The following UNC79 variants were observed in gnomAD, a reference collection of about 807,000 sequenced individuals.
The protein encoded by UNC79 is protein unc-79 homolog.
In UNC79, 37 loss-of-function variants were observed where a neutral mutation model predicts 283.1. The observed-to-expected ratio is 0.13, with a 90% CI of 0.10 to 0.17. UNC79 has a LOEUF of 0.17. Ranked by LOEUF, UNC79 falls within the 10% of genes least tolerant of loss-of-function variation. UNC79 has a pLI of 1.00. For synonymous variants in UNC79, 1,107 were observed against 1,200.2 expected (o/e 0.92, Z 1.61); for missense variants, 2,272 against 3,211.1 (o/e 0.71, Z 7.07).
At chr14:93,525,992 A>T (rs2060528021) in intron 8 of UNC79, among the ~76,000 whole-genome samples, 1 of 152,170 alleles carries the variant, frequency 6.6e-6, no homozygotes, top group Admixed American at 6.6e-5. Context: ...GTCATTTTAT[A>T]AAAATAGAGG....
chr14:93,345,099 C>A (rs910891412), intron 1 of UNC79, among the ~76,000 whole-genome samples: 1 of 152,116 alleles, frequency 6.6e-6, no homozygotes, highest in East Asian at 1.9e-4. Flanking sequence ...AGGATTAGTA[C>A]CCTTATAAAA....
chr14:93,443,839 A>G (rs2056386111), intron 1 of UNC79, among the ~76,000 whole-genome samples: 1 of 152,068 alleles, frequency 6.6e-6, no homozygotes, highest in Non-Finnish European at 1.5e-5. Context: ...TGTATATTAC[A>G]ATTTGTTTAT....
At chr14:93,706,859 G>A in exon 49 of UNC79, 1 of 1,614,200 alleles carries the variant, frequency 6.2e-7, no homozygotes, top group Non-Finnish European at 8.5e-7. Flanking sequence ...TGGCCCAGGT[G>A]GAGATCCAGT....
At chr14:93,391,646 C>A (rs1324823107) in intron 1 of UNC79, among the ~76,000 whole-genome samples, 1 of 152,054 alleles carries the variant, frequency 6.6e-6, no homozygotes, top group Non-Finnish European at 1.5e-5. Flanking sequence ...CCAGGCTGGT[C>A]TTCAACTTCT....
Position 93,493,901 on chromosome 14 carries a change from A to ATTTTT in UNC79, c.713-2495_713-2491dup, listed in dbSNP as rs71129642. Among the ~76,000 whole-genome samples, 35 of 49,252 alleles carry ATTTTT rather than the reference A, an allele frequency of 7.1e-4. 1 individual carries two copies. The highest frequency in any genetic ancestry group is 2.3e-3 in the Admixed American group (6 of 2,556). The allele number at this position is 49,252 out of a possible 152,430, so 32.3% of individuals were successfully genotyped here. On this transcript the variant is annotated intron_variant, in intron 5 of 48. Coordinates refer to ENST00000555664, the Ensembl canonical transcript of UNC79. ...TATATATATATATATATATATATATATTTTTTTTTTTTTTTTTTTGAGATA... is the reference window on the plus strand; with the variant it reads ...TATATATATATATATATATATATATATTTTTTTTTTTTTTTTTTTTTTTTGAGATA...
chr14:93,339,273 A>G (rs2053647959), intron 1 of UNC79, among the ~76,000 whole-genome samples: 2 of 152,036 alleles, frequency 1.3e-5, no homozygotes, highest in Admixed American at 1.3e-4. Context: ...GCAGGACTTG[A>G]TCAGCTCTAG....
At chr14:93,334,210 T>G (rs2053524747) in intron 1 of UNC79, among the ~76,000 whole-genome samples, 1 of 152,262 alleles carries the variant, frequency 6.6e-6, no homozygotes, top group Non-Finnish European at 1.5e-5. Flanking sequence ...GTTGTTTTCC[T>G]CTGGACTTCC....
chr14:93,586,526 C>G, intron 20 of UNC79, 70 bp from the exon 21 acceptor site: 1 of 1,391,926 alleles, frequency 7.2e-7, no homozygotes, highest in Non-Finnish European at 9.9e-7. Flanking sequence ...TTTTTATGAT[C>G]TTGATAAATT....
intron 1 of UNC79, among the ~76,000 whole-genome samples, chr14:93,373,010 A>C (rs1484058199): frequency 6.6e-6 from 1 of 152,248 alleles, no homozygotes; most frequent in Admixed American, 6.5e-5. Context: ...AATAACAGAA[A>C]GATAGTTGGA....
At chr14:93,671,266 G>A (rs970555690) in intron 40 of UNC79, among the ~76,000 whole-genome samples, 4 of 152,102 alleles carry the variant, frequency 2.6e-5, no homozygotes, top group Non-Finnish European at 4.4e-5. Context: ...ACAAACATAT[G>A]TAGTTAAACT....
chr14:93,525,589 G>A (rs2060511985), intron 8 of UNC79, among the ~76,000 whole-genome samples: 1 of 152,186 alleles, frequency 6.6e-6, no homozygotes, highest in South Asian at 2.1e-4. Context: ...GATATTTTGA[G>A]CTGCTCACAT....
intron 39 of UNC79, among the ~76,000 whole-genome samples, chr14:93,661,097 C>T (rs973666347): frequency 3.3e-5 from 5 of 152,088 alleles, no homozygotes; most frequent in Non-Finnish European, 7.4e-5. Flanking sequence ...ACCTCAAATA[C>T]GCTCATGTCC....
chr14:93,354,274 A>G (rs75631344), intron 1 of UNC79, among the ~76,000 whole-genome samples: 1 of 152,168 alleles, frequency 6.6e-6, no homozygotes, highest in Non-Finnish European at 1.5e-5. Flanking sequence ...ATGGACATTT[A>G]AAGTTTTATT....
At chr14:93,343,129 T>G (rs1358170209) in intron 1 of UNC79, among the ~76,000 whole-genome samples, 1 of 152,260 alleles carries the variant, frequency 6.6e-6, no homozygotes, top group African/African-American at 2.4e-5. Context: ...TTCCACATTT[T>G]TAGTTATCTT....
At chr14:93,560,166 A>T (rs1475888742) in intron 14 of UNC79, among the ~76,000 whole-genome samples, 2 of 152,202 alleles carry the variant, frequency 1.3e-5, no homozygotes, top group African/African-American at 2.4e-5. Context: ...AAAAATAGGT[A>T]TTAAAGGACT....
intron 35 of UNC79, among the ~76,000 whole-genome samples, chr14:93,648,121 G>A (rs1309123152): frequency 1.3e-5 from 2 of 152,198 alleles, no homozygotes; most frequent in African/African-American, 2.4e-5. Context: ...AAGGATCACT[G>A]CCTAGTTACT....
At chr14:93,365,004 G>A (rs995748817) in intron 1 of UNC79, among the ~76,000 whole-genome samples, 3 of 152,084 alleles carry the variant, frequency 2.0e-5, no homozygotes, top group Non-Finnish European at 4.4e-5. Context: ...AGGCTGAGGA[G>A]GGAAGATTGC....
intron 1 of UNC79, among the ~76,000 whole-genome samples, chr14:93,450,805 G>A (rs545508414): frequency 3.3e-5 from 5 of 152,144 alleles, no homozygotes; most frequent in South Asian, 2.1e-4. Flanking sequence ...CTTTTAATCC[G>A]CCATTATCTA....
exon 13 of UNC79, chr14:93,540,775 A>G: frequency 6.2e-7 from 1 of 1,613,668 alleles, no homozygotes; most frequent in Non-Finnish European, 8.5e-7. Context: ...CTTTGATAAC[A>G]AGGACGATGA....
Sources: allele counts gnomAD v4.1 joint callset (sites outside exome capture counted in the v4.1 genomes callset), GRCh38; gene constraint gnomAD v4.1.1; transcripts MANE v1.5; gene names NCBI Gene and HGNC (gene_info 2026-07-23, HGNC 2026-07-21).